The following CPNE4 variants were observed in gnomAD, a reference collection of about 807,000 sequenced individuals.
The protein encoded by CPNE4 is copine-4.
Under a neutral mutation model 67.9 loss-of-function variants are expected in CPNE4, and 25 were observed. That is an observed-to-expected ratio of 0.37 (90% confidence interval 0.27 to 0.51). The LOEUF (loss-of-function observed/expected upper bound fraction) is 0.51, where lower values mean the gene tolerates loss of function less well. Among genes scored for constraint, CPNE4 ranks in the 20% least tolerant of loss-of-function variants. The pLI is 0.93. For missense variants in CPNE4, 464 were observed against 690.8 expected (o/e 0.67, Z 3.68); for synonymous variants, 242 against 244.9 (o/e 0.99, Z 0.11).
At chr3:131,916,674 G>A (rs2089194602) in intron 1 of CPNE4, among the ~76,000 whole-genome samples, 1 of 152,188 alleles carries the variant, frequency 6.6e-6, no homozygotes, top group Non-Finnish European at 1.5e-5. Flanking sequence ...AGAAATATGT[G>A]TAATGATGGA....
intron 2 of CPNE4, among the ~76,000 whole-genome samples, chr3:131,738,626 T>TC (rs398106457): frequency 6.6e-6 from 1 of 152,154 alleles, no homozygotes; most frequent in Non-Finnish European, 1.5e-5. Context: ...GTGGGTTTTT[T>TC]GTTTGTTCGT....
chr3:131,878,959 A>C (rs2087561443), intron 2 of CPNE4, among the ~76,000 whole-genome samples: 1 of 152,268 alleles, frequency 6.6e-6, no homozygotes, highest in South Asian at 2.1e-4. Context: ...TTAGTATTTG[A>C]ATAAATAACT....
chr3:131,824,770 C>T (rs1048237023), intron 2 of CPNE4, among the ~76,000 whole-genome samples: 3 of 152,060 alleles, frequency 2.0e-5, no homozygotes, highest in African/African-American at 7.2e-5. Flanking sequence ...TAAAAAGTGT[C>T]CTTCTGCTTG....
At chr3:131,761,704 G>A (rs1217542864) in intron 2 of CPNE4, among the ~76,000 whole-genome samples, 1 of 152,082 alleles carries the variant, frequency 6.6e-6, no homozygotes, top group African/African-American at 2.4e-5. Context: ...CTGTTTCTCA[G>A]TTCATTTGCT....
intron 1 of CPNE4, among the ~76,000 whole-genome samples, chr3:131,907,046 G>T (rs984853035): frequency 6.6e-6 from 1 of 152,062 alleles, no homozygotes; most frequent in African/African-American, 2.4e-5. Flanking sequence ...AGGGGGGGAA[G>T]GACCTGAACA....
At chr3:131,785,655 C>G (rs1199050971) in intron 2 of CPNE4, among the ~76,000 whole-genome samples, 5 of 130,478 alleles carry the variant, frequency 3.8e-5, no homozygotes, top group Non-Finnish European at 6.6e-5. Context: ...AGCACTCTCT[C>G]TCTCTCTTTC....
At chr3:131,790,483 T>C (rs1312688784) in intron 2 of CPNE4, among the ~76,000 whole-genome samples, 1 of 152,134 alleles carries the variant, frequency 6.6e-6, no homozygotes, top group East Asian at 1.9e-4. Flanking sequence ...GCACCTTTCT[T>C]AGGAGTCTAA....
At chr3:131,974,921 T>C (rs1258463710) in intron 1 of CPNE4, among the ~76,000 whole-genome samples, 1 of 151,976 alleles carries the variant, frequency 6.6e-6, no homozygotes, top group Non-Finnish European at 1.5e-5. Flanking sequence ...GGGGGGAGGA[T>C]GGCTTGAGCC....
chr3:131,958,604 C>CTTTTCT (rs2072053785), intron 1 of CPNE4, among the ~76,000 whole-genome samples: 5 of 44,330 alleles, frequency 1.1e-4, no homozygotes, highest in African/African-American at 4.0e-4. Context: ...ACCTTTCTTT[C>CTTTTCT]TTTTCTTTTT....
chr3:131,929,216 A>G (rs2070984101), intron 1 of CPNE4, among the ~76,000 whole-genome samples: 1 of 129,114 alleles, frequency 7.7e-6, no homozygotes, highest in Non-Finnish European at 1.7e-5. Context: ...AAAAAAAAAA[A>G]AAGATTTTCA....
At chr3:131,873,833 T>C (rs1387679898) in intron 2 of CPNE4, among the ~76,000 whole-genome samples, 1 of 152,174 alleles carries the variant, frequency 6.6e-6, no homozygotes, top group Non-Finnish European at 1.5e-5. Context: ...CCTGGCTCCT[T>C]GGCTTCCTCT....
At chr3:132,003,382 C>T (rs1406668143) in intron 1 of CPNE4, among the ~76,000 whole-genome samples, 1 of 152,028 alleles carries the variant, frequency 6.6e-6, no homozygotes. Context: ...ATCAGCTTTT[C>T]CACAAAGCCC....
At chr3:131,747,857 A>C (rs1309852792) in intron 2 of CPNE4, among the ~76,000 whole-genome samples, 2 of 152,100 alleles carry the variant, frequency 1.3e-5, no homozygotes, top group Admixed American at 1.3e-4. Flanking sequence ...TTCTTACACT[A>C]TTGTTCTGGC....
At chr3:132,011,694 T>C (rs2073767020) in intron 1 of CPNE4, among the ~76,000 whole-genome samples, 1 of 152,220 alleles carries the variant, frequency 6.6e-6, no homozygotes. Flanking sequence ...ACTCATAACA[T>C]TTTTCACTAC....
At chr3:131,952,757 G>A (rs1334537408) in intron 1 of CPNE4, among the ~76,000 whole-genome samples, 3 of 152,178 alleles carry the variant, frequency 2.0e-5, no homozygotes, top group Non-Finnish European at 4.4e-5. Flanking sequence ...ACAGCTCATT[G>A]AGAACGGGCC....
intron 1 of CPNE4, among the ~76,000 whole-genome samples, chr3:131,964,945 A>C (rs1231704592): frequency 6.6e-6 from 1 of 152,160 alleles, no homozygotes; most frequent in African/African-American, 2.4e-5. Flanking sequence ...GGTTGAAATG[A>C]AGGAAAAAAT....
intron 1 of CPNE4, among the ~76,000 whole-genome samples, chr3:131,965,765 A>G (rs2072324934): frequency 6.6e-6 from 1 of 152,038 alleles, no homozygotes; most frequent in African/African-American, 2.4e-5. Flanking sequence ...GACTCCCACA[A>G]AATAGTAGTG....
chr3:131,540,620 G>A (rs11922444), intron 15 of CPNE4, among the ~76,000 whole-genome samples: 3 of 152,192 alleles, frequency 2.0e-5, no homozygotes, highest in Non-Finnish European at 4.4e-5. Context: ...ATAGGTGAGA[G>A]TCCAGTGTGA....
At chr3:131,657,330 G>A (rs1226270601) in intron 7 of CPNE4, among the ~76,000 whole-genome samples, 14 of 152,098 alleles carry the variant, frequency 9.2e-5, no homozygotes, top group Non-Finnish European at 8.8e-5. Context: ...TGCTCTTGGA[G>A]AACTTTTATC....
Sources: allele counts gnomAD v4.1 joint callset (sites outside exome capture counted in the v4.1 genomes callset), GRCh38; gene constraint gnomAD v4.1.1; transcripts MANE v1.5; gene names NCBI Gene and HGNC (gene_info 2026-07-23, HGNC 2026-07-21).